Variants in WWOX observed in about 807,000 individuals in gnomAD.
The protein encoded by WWOX is WW domain-containing oxidoreductase.
Under a neutral mutation model 46.2 loss-of-function variants are expected in WWOX, and 69 were observed. The ratio of observed to expected loss-of-function variants is 1.49; its 90% confidence interval spans 1.23 to 1.82. The LOEUF (loss-of-function observed/expected upper bound fraction) is 1.82, where lower values mean the gene tolerates loss of function less well. Ranked by LOEUF, WWOX falls within the 40% of genes most tolerant of loss-of-function variation. The pLI is 0.00. For synonymous variants in WWOX, 359 were observed against 202.6 expected (o/e 1.77, Z -6.56); for missense variants, 919 against 542.6 (o/e 1.69, Z -6.89).
At chr16:78,593,919 G>C (rs1055758534) in intron 8 of WWOX, among the ~76,000 whole-genome samples, 3 of 152,122 alleles carry the variant, frequency 2.0e-5, no homozygotes, top group Non-Finnish European at 2.9e-5. Context: ...TTTAGCAATT[G>C]GAGTTGGAGG....
At chr16:78,736,330 G>C (rs1370622570) in intron 8 of WWOX, among the ~76,000 whole-genome samples, 1 of 152,114 alleles carries the variant, frequency 6.6e-6, no homozygotes, top group African/African-American at 2.4e-5. Flanking sequence ...CTTGGGCAAG[G>C]TGGACAAGGA....
chr16:78,682,433 A>T (rs1018111241), intron 8 of WWOX, among the ~76,000 whole-genome samples: 2 of 152,032 alleles, frequency 1.3e-5, no homozygotes, highest in Admixed American at 6.6e-5. Context: ...TTTTTCCTTT[A>T]GCCGGGTCTG....
chr16:78,666,395 A>G (rs1005634118), intron 8 of WWOX, among the ~76,000 whole-genome samples: 1 of 152,186 alleles, frequency 6.6e-6, no homozygotes, highest in Non-Finnish European at 1.5e-5. Context: ...GAGGGATCCC[A>G]GTTTTACACA....
intron 8 of WWOX, among the ~76,000 whole-genome samples, chr16:78,808,694 C>T (rs1001613033): frequency 6.6e-6 from 1 of 152,114 alleles, no homozygotes; most frequent in African/African-American, 2.4e-5. Context: ...TTCATGTAGT[C>T]CTCACACTAG....
chr16:78,531,181 G>C (rs540930009), intron 8 of WWOX, among the ~76,000 whole-genome samples: 76 of 152,248 alleles, frequency 5.0e-4, no homozygotes, highest in Non-Finnish European at 9.1e-4. Context: ...AGAAAACAGA[G>C]GTCTCAATTT....
intron 8 of WWOX, among the ~76,000 whole-genome samples, chr16:79,152,682 A>C (rs1987613): frequency 4.4e-5 from 6 of 135,772 alleles, no homozygotes; most frequent in Non-Finnish European, 6.3e-5. Context: ...AGAAAAAAAA[A>C]AAAAAACAAA....
At chr16:78,396,953 C>T (rs1367567735) in intron 6 of WWOX, among the ~76,000 whole-genome samples, 1 of 152,068 alleles carries the variant, frequency 6.6e-6, no homozygotes, top group Admixed American at 6.6e-5. Context: ...GGACGGTGGC[C>T]CAGAGACCCT....
intron 8 of WWOX, chr16:78,525,406 C>T (rs1211465250): frequency 6.6e-6 from 1 of 151,800 alleles, no homozygotes; most frequent in South Asian, 2.1e-4. Context: ...AGGATGGTCT[C>T]GATCTCCTGA....
chr16:78,816,536 A>G (rs1406822914), intron 8 of WWOX, among the ~76,000 whole-genome samples: 2 of 86,814 alleles, frequency 2.3e-5, no homozygotes, highest in Non-Finnish European at 5.0e-5. Flanking sequence ...TTTTTTTGAT[A>G]CAATGAGGGG....
chr16:78,744,967 T>G (rs1271167544), intron 8 of WWOX, among the ~76,000 whole-genome samples: 1 of 152,206 alleles, frequency 6.6e-6, no homozygotes, highest in Non-Finnish European at 1.5e-5. Flanking sequence ...TGCGCTAAGC[T>G]GACTTCATCA....
chr16:79,133,494 T>G (rs1384788712), intron 8 of WWOX, among the ~76,000 whole-genome samples: 3 of 152,140 alleles, frequency 2.0e-5, no homozygotes, highest in African/African-American at 7.2e-5. Flanking sequence ...ACAGAACAGG[T>G]GGTTCTCATT....
At chr16:79,079,343 C>T (rs2048718118) in intron 8 of WWOX, among the ~76,000 whole-genome samples, 1 of 152,044 alleles carries the variant, frequency 6.6e-6, no homozygotes, top group South Asian at 2.1e-4. Flanking sequence ...TCTTGGGTTC[C>T]CCCCGACAAA....
At chr16:78,507,426 C>A (rs996329135) in intron 8 of WWOX, among the ~76,000 whole-genome samples, 1 of 152,154 alleles carries the variant, frequency 6.6e-6, no homozygotes, top group African/African-American at 2.4e-5. Context: ...TAGTTTATAT[C>A]TCAGTCATTT....
At chr16:78,656,419 C>T (rs973142652) in intron 8 of WWOX, among the ~76,000 whole-genome samples, 2 of 152,116 alleles carry the variant, frequency 1.3e-5, no homozygotes, top group East Asian at 1.9e-4. Context: ...CTCATGGTTC[C>T]GCAGGCCATA....
intron 8 of WWOX, among the ~76,000 whole-genome samples, chr16:78,963,147 A>T (rs898261188): frequency 6.6e-6 from 1 of 152,056 alleles, no homozygotes; most frequent in Non-Finnish European, 1.5e-5. Context: ...CCTCTTGTCT[A>T]TCCATCAGTC....
At chr16:78,392,494 C>G (rs4542678) in intron 6 of WWOX, among the ~76,000 whole-genome samples, 142,189 of 152,178 alleles carry the variant, frequency 0.93, 66,677 homozygotes, top group African/African-American at 0.98. Flanking sequence ...TAAATGTCAT[C>G]TGCTTGAATC....
At chr16:78,676,979 C>A (rs1051864775) in intron 8 of WWOX, among the ~76,000 whole-genome samples, 3 of 151,246 alleles carry the variant, frequency 2.0e-5, no homozygotes, top group African/African-American at 7.3e-5. Flanking sequence ...GACTATTTTG[C>A]CAAATGCATT....
At chr16:78,208,407 C>T (rs367677555) in intron 5 of WWOX, among the ~76,000 whole-genome samples, 2 of 152,014 alleles carry the variant, frequency 1.3e-5, no homozygotes, top group East Asian at 1.9e-4. Context: ...GTATATGAAA[C>T]GGTGAGAAAC....
chr16:79,031,888 G>GATAGATATCTA lies in WWOX; in HGVS notation c.1057-179720_1057-179719insATAGATATCTA, dbSNP rs1567501171. On this transcript the variant is annotated intron_variant, in intron 8 of 8. Coordinates refer to ENST00000566780, the MANE Select transcript of WWOX (RefSeq NM_016373.4). ...GATAGATATCTATATACAGATATCTGTATACAGATATCTATATATATAGAT... is the reference window on the plus strand; with the variant it reads ...GATAGATATCTATATACAGATATCTGATAGATATCTATATACAGATATCTATATATATAGAT... Among the ~76,000 whole-genome samples, 571 of 67,066 alleles carry GATAGATATCTA rather than the reference G, an allele frequency of 8.5e-3. 6 individuals carry two copies. Among genetic ancestry groups the GATAGATATCTA allele is most frequent in the African/African-American group, 0.02 (514 of 25,812 alleles). The allele number at this position is 67,066 out of a possible 152,430, so 44.0% of individuals were successfully genotyped here. A position where few individuals can be genotyped will look rare whatever the true frequency, so the allele number is the denominator to read the frequency against.
Sources: gnomAD v4.1 joint callset for allele counts (sites outside exome capture counted in the v4.1 genomes callset) on GRCh38, gnomAD v4.1.1 for gene constraint, MANE v1.5 for transcripts, NCBI Gene and HGNC (gene_info 2026-07-23, HGNC 2026-07-21) for gene names.